The following MACF1 variants were observed in gnomAD, a reference collection of about 807,000 sequenced individuals.
MACF1 encodes the protein microtubule actin crosslinking factor 1, also known as microtubule-actin cross-linking factor 1.
Under a neutral mutation model 854.8 loss-of-function variants are expected in MACF1, and 193 were observed. The ratio of observed to expected loss-of-function variants is 0.23; its 90% confidence interval spans 0.20 to 0.25. The LOEUF (loss-of-function observed/expected upper bound fraction) is 0.25. MACF1 is among the 10% of genes least tolerant of loss of function. The pLI, the probability that MACF1 is intolerant of heterozygous loss-of-function variation, is 1.00. For missense variants in MACF1, 7,722 were observed against 8,929.1 expected, an observed-to-expected ratio of 0.86 and a Z score of 5.45; for synonymous variants, 3,185 against 3,226.7, an observed-to-expected ratio of 0.99 and a Z score of 0.44.
At chr1:39,435,527 C>A in intron 69 of MACF1, 31 bp from the exon 70 acceptor site, 1 of 1,535,228 alleles carries the variant, frequency 6.5e-7, no homozygotes, top group Non-Finnish European at 9.0e-7. Context: ...TATAAAAGTA[C>A]TCATTATGGT....
In MACF1 at chr1:39,333,222, G is replaced by A. The variant is rs1480557996; in HGVS notation, c.6634G>A (p.Glu2212Lys). ...QVKKTLGIKL[E>K]LKSETDGNVH... Reference sequence around the variant, plus strand: ...AAAGAAAACTCTAGGTATAAAGTTAGAACTAAAGTCTGAAACTGATGGGAA... The same window carrying A: ...AAAGAAAACTCTAGGTATAAAGTTAAAACTAAAGTCTGAAACTGATGGGAA... Residue 2212 changes from glutamate (E) to lysine (K), a missense_variant, in exon 37 of 101, where the codon GAA becomes AAA. Glu to Lys is a moderately conservative substitution (Grantham distance 56). Transcript: ENST00000564288. 2.5e-6 allele frequency: 4 copies of A among 1,612,620 alleles called. No homozygotes were observed. The Admixed American group carries it at 6.7e-5, about 27-fold the overall frequency.
At position 39,332,818 on chromosome 1, in the gene MACF1, C is replaced by G; in HGVS notation, c.6230C>G (p.Pro2077Arg). 1.2e-6 allele frequency: 2 copies of G among 1,614,034 alleles called. No homozygotes were observed. Among genetic ancestry groups the G allele is most frequent in the East Asian group, 2.2e-5 (1 of 44,876 alleles). Residue 2077 changes from proline (P) to arginine (R), a missense_variant, in exon 37 of 101, where the codon CCT (proline) becomes CGT (arginine). Physicochemically the swap from Pro to Arg is moderately radical, Grantham distance 103. Coordinates refer to ENST00000564288, the MANE Select transcript of MACF1 (RefSeq NM_001394062.1). Reference protein sequence around the residue: ...VETEDSSVENPEQDLFVEQKE... With the variant: ...VETEDSSVENREQDLFVEQKE... ...ACAGAAGATTCTTCTGTAGAGAACC[C>G]TGAACAGGATCTGTTTGTAGAACAA...
chr1:39,354,486 C>A (rs1390202097), intron 44 of MACF1, among the ~76,000 whole-genome samples: 1 of 152,150 alleles, frequency 6.6e-6, no homozygotes, highest in Non-Finnish European at 1.5e-5. Context: ...CTCACCGCAA[C>A]CTCCATCTCC....
intron 95 of MACF1, among the ~76,000 whole-genome samples, chr1:39,467,177 TA>T (rs1644686928): frequency 6.6e-6 from 1 of 152,070 alleles, no homozygotes; most frequent in African/African-American, 2.4e-5. Flanking sequence ...CTAACCTGGC[TA>T]ACACGGTGAA....
At chr1:39,156,891 C>CT (rs1643699839) in intron 2 of MACF1, among the ~76,000 whole-genome samples, 1 of 152,012 alleles carries the variant, frequency 6.6e-6, no homozygotes, top group African/African-American at 2.4e-5. Context: ...TAGTACCTTG[C>CT]TGGTTCTGTT....
At chr1:39,303,144 G>A in intron 23 of MACF1, 66 bp downstream of exon 23, 2 of 1,551,016 alleles carry the variant, frequency 1.3e-6, no homozygotes, top group Non-Finnish European at 1.8e-6. Context: ...CCAGTGGAGG[G>A]ATGAGTGTGC....
intron 26 of MACF1, among the ~76,000 whole-genome samples, chr1:39,311,395 T>C (rs2148436667): frequency 6.6e-6 from 1 of 152,334 alleles, no homozygotes; most frequent in East Asian, 1.9e-4. Flanking sequence ...CTGATTTGAA[T>C]GTGGGCTCTG....
Position 39,265,502 on chromosome 1 carries a change from C to G in MACF1, c.528+7474C>G, listed in dbSNP as rs960034577. Among the ~76,000 whole-genome samples, 4 of 152,318 alleles carry G rather than the reference C, an allele frequency of 2.6e-5. No homozygotes were observed. The East Asian group carries it at 5.8e-4, about 22-fold the overall frequency. ...GTTGAAAATACATCTGATATACCTA[C>G]TGAAAACTATAGTTTAGCCTATCTT... On this transcript the variant is annotated intron_variant, in intron 6 of 100. Coordinates refer to ENST00000564288, the MANE Select transcript of MACF1 (RefSeq NM_001394062.1).
intron 36 of MACF1, chr1:39,328,740 T>G (rs900756457): frequency 6.6e-6 from 1 of 152,206 alleles, no homozygotes; most frequent in Admixed American, 6.5e-5. Flanking sequence ...TCTTTCCTCC[T>G]CTCCTTCTAT....
rs187250526 is a variant in MACF1 at position 39,461,919 on chromosome 1, C to G, written c.21560C>G (p.Ala7187Gly). ...PTTKLEMTAVADIFDRDGDGY... is the reference protein window; with the variant it reads ...PTTKLEMTAVGDIFDRDGDGY... ...ACCAAGTTAGAGATGACTGCTGTGGCTGACATTTTCGACCGAGATGGGGAT... is the reference window on the plus strand; with the variant it reads ...ACCAAGTTAGAGATGACTGCTGTGGGTGACATTTTCGACCGAGATGGGGAT... Residue 7187 changes from alanine (A) to glycine (G), a missense_variant, in exon 93 of 101, where the codon GCT (alanine) becomes GGT (glycine). Coordinates refer to ENST00000564288, the MANE Select transcript of MACF1 (RefSeq NM_001394062.1). 6.2e-7 allele frequency: 1 copy of G among 1,613,164 alleles called. No individual in the cohort carries two copies. Among genetic ancestry groups the G allele is most frequent in the African/African-American group, 1.3e-5 (1 of 74,704 alleles).
rs766674151 is a variant in MACF1, at chr1:39,332,481, T to C, written c.5893T>C (p.Phe1965Leu). ...ATASQSENLL[F>L]QLMTHSYINV... ...AGCAAGCCAGAGTGAGAATCTGTTG[T>C]TCCAGCTGATGACTCACAGCTATAT... Residue 1965 changes from phenylalanine to leucine, a missense_variant, in exon 37 of 101, where the codon TTC (phenylalanine) becomes CTC (leucine). By Grantham distance (22) the Phe-to-Leu change is conservative. Around this residue, in one of 15 missense-constraint regions of MACF1, gnomAD observed 1,531 missense variants for 1,601.6 expected, o/e 0.96. Coordinates refer to ENST00000564288, the MANE Select transcript of MACF1 (RefSeq NM_001394062.1). 1.5e-5 allele frequency: 25 copies of C among 1,613,910 alleles called. No homozygotes were observed. Among genetic ancestry groups the C allele is most frequent in the Non-Finnish European group, 2.0e-5 (24 of 1,180,032 alleles).
chr1:39,444,730 G>T lies in MACF1; in HGVS notation c.19500G>T (p.Met6500Ile). 6.2e-7 allele frequency: 1 copy of T among 1,614,182 alleles called. No homozygotes were observed. The highest frequency in any genetic ancestry group is 2.2e-5 in the East Asian group (1 of 44,882). ...AACTACTTGACAAGGGCAGACTCATGCTTCTAAGCCGTGACGACTCTGGGT... is the reference window on the plus strand; with the variant it reads ...AACTACTTGACAAGGGCAGACTCATTCTTCTAAGCCGTGACGACTCTGGGT... ...YNQLLDKGRL[M>I]LLSRDDSGSG... The change falls in exon 80 of 101, where the codon ATG (methionine) becomes ATT (isoleucine). Residue 6500 changes from methionine to isoleucine, a missense_variant. Transcript: ENST00000564288.
At chr1:39,237,288 A>G (rs1644870283) in intron 2 of MACF1, among the ~76,000 whole-genome samples, 2 of 152,192 alleles carry the variant, frequency 1.3e-5, no homozygotes, top group Admixed American at 1.3e-4. Context: ...TCCTCAGATT[A>G]AATCAATTGC....
chr1:39,249,627 T>C (rs1195112894), intron 2 of MACF1, among the ~76,000 whole-genome samples: 1 of 152,206 alleles, frequency 6.6e-6, no homozygotes, highest in East Asian at 1.9e-4. Context: ...TTTGCAGCAC[T>C]CTAGAAGGCT....
intron 3 of MACF1, among the ~76,000 whole-genome samples, chr1:39,251,513 G>T (rs1645040173): frequency 6.6e-6 from 1 of 152,168 alleles, no homozygotes; most frequent in South Asian, 2.1e-4. Context: ...TTAAGTGTTT[G>T]TGGAGATACT....
Position 39,458,198 on chromosome 1 carries a change from G to T in MACF1, c.21076-172G>T, listed in dbSNP as rs2124020724. The stretch of plus-strand genomic sequence containing the variant: ...AAATCACATTTCAACATGAGATTTG[G>T]AGGGGACAAATATCCAAACTACATC... On this transcript the variant is annotated intron_variant, in intron 89 of 100. Transcript: ENST00000564288. The T allele has an allele frequency of 5.2e-6, 3 of 581,982 alleles. No homozygotes were observed. In the South Asian group the frequency reaches 7.6e-5, roughly 15 times the overall value. 36.1% of individuals were successfully genotyped at this position (581,982 alleles called of 1,614,324 possible).
At chr1:39,165,987 G>A (rs1643877898) in intron 2 of MACF1, among the ~76,000 whole-genome samples, 1 of 152,004 alleles carries the variant, frequency 6.6e-6, no homozygotes, top group South Asian at 2.1e-4. Flanking sequence ...CTTTCTGACA[G>A]GATACAAAGA....
chr1:39,127,254 T>A (rs2148165900), intron 2 of MACF1, among the ~76,000 whole-genome samples: 1 of 152,316 alleles, frequency 6.6e-6, no homozygotes, highest in South Asian at 2.1e-4. Flanking sequence ...CTTGTCCTGC[T>A]AATTCTGCAT....
intron 40 of MACF1, among the ~76,000 whole-genome samples, chr1:39,346,538 G>C (rs1172760652): frequency 1.1e-5 from 1 of 94,104 alleles, no homozygotes; most frequent in African/African-American, 4.2e-5. Flanking sequence ...TTTTTTTTTT[G>C]AGATGGAGTC....
Sources: allele counts gnomAD v4.1 joint callset (sites outside exome capture counted in the v4.1 genomes callset), GRCh38; gene constraint gnomAD v4.1.1; regional missense constraint gnomAD v4.1.1; transcripts MANE v1.5; gene names NCBI Gene and HGNC (gene_info 2026-07-23, HGNC 2026-07-21).